DIS3L2: variants seen among roughly 807,000 people sequenced by gnomAD.
DIS3L2 encodes DIS3-like exonuclease 2.
A neutral mutation model predicts 97.5 loss-of-function variants in DIS3L2; 34 were observed. The observed-to-expected ratio is 0.35, with a 90% CI of 0.27 to 0.46. The LOEUF is 0.46. Ranked by LOEUF, DIS3L2 falls within the 20% of genes least tolerant of loss-of-function variation. The pLI, the probability that DIS3L2 is intolerant of heterozygous loss-of-function variation, is 1.00. For missense variants in DIS3L2, 1,038 were observed against 1,146.0 expected (o/e 0.91, Z 1.36); for synonymous variants, 435 against 445.2 (o/e 0.98, Z 0.29).
chr2:232,322,889 G>T (rs1695476002), intron 14 of DIS3L2, among the ~76,000 whole-genome samples: 1 of 149,794 alleles, frequency 6.7e-6, no homozygotes, highest in South Asian at 2.1e-4. Flanking sequence ...GGCCCAGCTG[G>T]CCTCCTTAAG....
At chr2:232,210,520 C>T (rs1559156592) in intron 10 of DIS3L2, 115 bp downstream of exon 10, 12 of 930,958 alleles carry the variant, frequency 1.3e-5, no homozygotes, top group East Asian at 1.3e-4. Context: ...AGGTTTGCTT[C>T]GTGCCTGAAC....
chr2:232,245,744 A>C (rs935648458), intron 11 of DIS3L2, among the ~76,000 whole-genome samples: 4 of 152,222 alleles, frequency 2.6e-5, no homozygotes, highest in African/African-American at 9.6e-5. Context: ...GATTAATAAA[A>C]TGTCTTCTGT....
chr2:232,000,876 T>G (rs148771684), intron 1 of DIS3L2, among the ~76,000 whole-genome samples: 1,651 of 151,496 alleles, frequency 0.011, 21 homozygotes, highest in African/African-American at 0.035. Flanking sequence ...TTCCTTTTTT[T>G]TTTGTTTGTT....
chr2:232,075,387 C>T lies in DIS3L2; in HGVS notation c.367-12100C>T, dbSNP rs145626973. ...AAAACTTCAGTGTTTCTTGTGATTC[C>T]CATATCCATAGTTATGTTTAAATTC... is the stretch of plus-strand genomic sequence containing the variant. On this transcript the variant is annotated intron_variant, in intron 5 of 20. Transcript: ENST00000325385. Among the ~76,000 whole-genome samples the T allele has an allele frequency of 2.8e-4, 43 of 152,210 alleles. 1 individual carries two copies. The highest frequency in any genetic ancestry group is 9.2e-4 in the African/African-American group (38 of 41,524).
At chr2:232,189,362 G>A (rs541740569) in intron 9 of DIS3L2, among the ~76,000 whole-genome samples, 1 of 152,284 alleles carries the variant, frequency 6.6e-6, no homozygotes, top group East Asian at 1.9e-4. Flanking sequence ...GCAAATTGTG[G>A]TACATCCATA....
chr2:232,117,141 C>T (rs1411910305), intron 6 of DIS3L2, among the ~76,000 whole-genome samples: 2 of 152,172 alleles, frequency 1.3e-5, no homozygotes, highest in African/African-American at 4.8e-5. Flanking sequence ...CCTCATTGCA[C>T]CTTTTCTTCC....
At chr2:232,246,181 C>T (rs1322717452) in intron 11 of DIS3L2, among the ~76,000 whole-genome samples, 1 of 152,144 alleles carries the variant, frequency 6.6e-6, no homozygotes, top group African/African-American at 2.4e-5. Context: ...TAGGATGGCC[C>T]CAAATCCTCT....
chr2:231,969,300 G>A (rs1692822262), intron 1 of DIS3L2, among the ~76,000 whole-genome samples: 1 of 147,322 alleles, frequency 6.8e-6, no homozygotes, highest in Admixed American at 6.7e-5. Flanking sequence ...GTTCTTATTA[G>A]TCCTAGACCT....
intron 2 of DIS3L2, 107 bp downstream of exon 2, chr2:232,015,086 C>A: frequency 1.2e-5 from 12 of 1,035,848 alleles, no homozygotes; most frequent in South Asian, 1.5e-5. Context: ...TACTATAATT[C>A]TTTTAGTGAC....
At chr2:232,057,732 G>A (rs986890279) in intron 5 of DIS3L2, among the ~76,000 whole-genome samples, 7 of 152,024 alleles carry the variant, frequency 4.6e-5, no homozygotes, top group South Asian at 4.2e-4. Flanking sequence ...CGAGATACTC[G>A]ACCCACAGAA....
At chr2:232,198,725 C>T (rs1192147352) in intron 9 of DIS3L2, 1 of 152,238 alleles carries the variant, frequency 6.6e-6, no homozygotes, top group Non-Finnish European at 1.5e-5. Context: ...CATCTCTGCC[C>T]TGCATACAAA....
intron 14 of DIS3L2, 57 bp from the exon 15 acceptor site, chr2:232,329,756 C>T: frequency 2.8e-6 from 4 of 1,419,366 alleles, no homozygotes; most frequent in Non-Finnish European, 3.7e-6. Flanking sequence ...CGTGGGAAAG[C>T]CTGCGCACCT....
rs552566097 is a variant in DIS3L2, at chr2:232,176,463, T to C, written c.1124+12831T>C. Among the ~76,000 whole-genome samples, 24 of 152,100 alleles carry C rather than the reference T, an allele frequency of 1.6e-4. 1 individual carries two copies. Among genetic ancestry groups the C allele is most frequent in the African/African-American group, 5.8e-4 (24 of 41,454 alleles). On this transcript the variant is annotated intron_variant, in intron 9 of 20. Coordinates refer to ENST00000325385, the MANE Select transcript of DIS3L2 (RefSeq NM_152383.5). Reference sequence around the variant, plus strand: ...TCCTTCTCTTTTTTTTTAAATTCTCTTTTTCATTTATTTCTACTCTAATCT... The same window carrying C: ...TCCTTCTCTTTTTTTTTAAATTCTCCTTTTCATTTATTTCTACTCTAATCT...
At chr2:232,079,357 G>A (rs1453199826) in intron 5 of DIS3L2, among the ~76,000 whole-genome samples, 1 of 152,070 alleles carries the variant, frequency 6.6e-6, no homozygotes, top group East Asian at 1.9e-4. Context: ...AGCACTTTGG[G>A]AGGCTGAGGC....
At chr2:232,163,408 A>G (rs756792802) in intron 8 of DIS3L2, 51 bp from the exon 9 acceptor site, 9 of 1,580,384 alleles carry the variant, frequency 5.7e-6, no homozygotes, top group African/African-American at 4.1e-5. Flanking sequence ...ACAGGTACCT[A>G]TGTTCCATTT....
intron 5 of DIS3L2, among the ~76,000 whole-genome samples, chr2:232,079,815 A>T (rs1696333019): frequency 6.6e-6 from 1 of 152,134 alleles, no homozygotes; most frequent in South Asian, 2.1e-4. Context: ...TAGCAAGTGA[A>T]AAAGCCCTAA....
chr2:232,221,034 G>A (rs764991260), intron 10 of DIS3L2, among the ~76,000 whole-genome samples: 4 of 146,994 alleles, frequency 2.7e-5, no homozygotes, highest in South Asian at 2.1e-4. Context: ...TCCAGGAGGC[G>A]GAGGCTACAG....
At chr2:232,252,472 C>T (rs180900909) in intron 12 of DIS3L2, among the ~76,000 whole-genome samples, 1 of 152,322 alleles carries the variant, frequency 6.6e-6, no homozygotes, top group Admixed American at 6.5e-5. Flanking sequence ...TGGGCTTCTA[C>T]ATTCTGTCTG....
At chr2:232,079,089 T>C (rs1031869760) in intron 5 of DIS3L2, among the ~76,000 whole-genome samples, 3 of 152,230 alleles carry the variant, frequency 2.0e-5, no homozygotes, top group Non-Finnish European at 4.4e-5. Flanking sequence ...TCAGGGAAGA[T>C]AGACTCTGAA....
Sources: gnomAD v4.1 joint callset for allele counts (sites outside exome capture counted in the v4.1 genomes callset) on GRCh38, gnomAD v4.1.1 for gene constraint, MANE v1.5 for transcripts, NCBI Gene and HGNC (gene_info 2026-07-23, HGNC 2026-07-21) for gene names.